Variants in MLIP observed in about 807,000 individuals in gnomAD.
The protein encoded by MLIP is muscular LMNA-interacting protein.
Under a neutral mutation model 84.8 loss-of-function variants are expected in MLIP, and 79 were observed. The observed-to-expected ratio is 0.93, with a 90% CI of 0.78 to 1.12. MLIP has a LOEUF of 1.12. Among genes scored for constraint, MLIP ranks in the 50% most tolerant of loss-of-function variants. The probability of loss-of-function intolerance (pLI) is 0.00; values close to 1 mark genes in which losing one functional copy is unlikely to be tolerated. For synonymous variants in MLIP, 504 were observed against 463.0 expected (o/e 1.09, Z -1.14); for missense variants, 1,257 against 1,160.6 (o/e 1.08, Z -1.21).
intron 12 of MLIP, among the ~76,000 whole-genome samples, chr6:54,254,388 G>A (rs1482058407): frequency 1.3e-5 from 2 of 152,000 alleles, no homozygotes; most frequent in East Asian, 3.9e-4. Context: ...GCCTCCCAAA[G>A]TGCTGGGATT....
rs1396363171 is a variant in MLIP at position 54,137,960 on chromosome 6, C to A, written c.1891C>A (p.Leu631Ile). The A allele has an allele frequency of 6.5e-7, 1 of 1,536,112 alleles. No individual in the cohort carries two copies. Among genetic ancestry groups the A allele is most frequent in the Non-Finnish European group, 8.7e-7 (1 of 1,146,886 alleles). ...INRSKRASSQLSGQELNPSAL... is the reference protein window; with the variant it reads ...INRSKRASSQISGQELNPSAL... ...CAGATCTAAAAGAGCATCATCCCAA[C>A]TATCTGGCCAGGAGCTGAATCCTTC... is the stretch of plus-strand genomic sequence containing the variant. Residue 631 changes from leucine to isoleucine, a missense_variant, in exon 4 of 14, where the codon CTA becomes ATA. Leu to Ile is a conservative substitution (Grantham distance 5). Coordinates refer to ENST00000502396, the MANE Select transcript of MLIP (RefSeq NM_001281747.2).
chr6:54,120,311 T>A (rs1770329879), intron 1 of MLIP, among the ~76,000 whole-genome samples: 1 of 152,104 alleles, frequency 6.6e-6, no homozygotes, highest in Admixed American at 6.5e-5. Flanking sequence ...CTCGGCTCAC[T>A]GCAAGCTCCG....
intron 1 of MLIP, among the ~76,000 whole-genome samples, chr6:54,081,146 T>C (rs1767119210): frequency 6.6e-6 from 1 of 152,158 alleles, no homozygotes; most frequent in Non-Finnish European, 1.5e-5. Flanking sequence ...GATGCCTCAT[T>C]CTGCACCCCT....
At chr6:54,236,244 T>C (rs1311283637) in intron 12 of MLIP, among the ~76,000 whole-genome samples, 2 of 151,648 alleles carry the variant, frequency 1.3e-5, no homozygotes, top group Admixed American at 6.6e-5. Flanking sequence ...GAATCCTCTA[T>C]GTTCCCAGCT....
chr6:54,137,558 A>G lies in MLIP; in HGVS notation c.1489A>G (p.Thr497Ala), dbSNP rs1016173916. 3 of 1,536,126 alleles carry G rather than the reference A, an allele frequency of 2.0e-6. No individual in the cohort carries two copies. In the African/African-American group the frequency reaches 4.1e-5, roughly 21 times the overall value. Reference sequence around the variant, plus strand: ...GCAATCTTTTCACCTGCCTGTTTTCACCAAGTCTACTCCGCTTTCTCAGGC... The same window carrying G: ...GCAATCTTTTCACCTGCCTGTTTTCGCCAAGTCTACTCCGCTTTCTCAGGC... The part of the protein sequence containing the change: ...TQQSFHLPVF[T>A]KSTPLSQAPS... Residue 497 changes from threonine to alanine, a missense_variant, in exon 4 of 14, where the codon ACC becomes GCC. Coordinates refer to ENST00000502396, the MANE Select transcript of MLIP (RefSeq NM_001281747.2).
intron 13 of MLIP, among the ~76,000 whole-genome samples, chr6:54,263,931 T>C (rs1783540276): frequency 6.6e-6 from 1 of 152,134 alleles, no homozygotes; most frequent in African/African-American, 2.4e-5. Context: ...TCTTACATGT[T>C]CACCTTTGTT....
At chr6:54,228,959 T>G in intron 11 of MLIP, among the ~76,000 whole-genome samples, 1 of 152,230 alleles carries the variant, frequency 6.6e-6, no homozygotes, top group East Asian at 1.9e-4. Flanking sequence ...TAAAACAAAA[T>G]TATAAGTCAG....
At chr6:54,205,085 C>T (rs757592311) in intron 11 of MLIP, among the ~76,000 whole-genome samples, 3 of 152,100 alleles carry the variant, frequency 2.0e-5, no homozygotes, top group Non-Finnish European at 4.4e-5. Flanking sequence ...GTCAACTGGC[C>T]TTTTTATGTT....
At chr6:54,070,977 T>C (rs1373085081) in intron 1 of MLIP, among the ~76,000 whole-genome samples, 2 of 152,084 alleles carry the variant, frequency 1.3e-5, no homozygotes, top group East Asian at 1.9e-4. Context: ...CAAAACATAA[T>C]ATATTTCCCA....
chr6:54,253,118 T>G (rs1386002327), intron 12 of MLIP, among the ~76,000 whole-genome samples: 1 of 152,146 alleles, frequency 6.6e-6, no homozygotes, highest in Non-Finnish European at 1.5e-5. Context: ...TTAGTTTTAG[T>G]TATTTATAAT....
At chr6:54,213,075 T>C (rs891057302) in intron 11 of MLIP, among the ~76,000 whole-genome samples, 1 of 152,206 alleles carries the variant, frequency 6.6e-6, no homozygotes, top group Non-Finnish European at 1.5e-5. Context: ...CCATATTTCA[T>C]TCATGTGTTT....
chr6:54,233,358 G>A (rs748150462), intron 12 of MLIP, among the ~76,000 whole-genome samples: 1 of 150,992 alleles, frequency 6.6e-6, no homozygotes, highest in Non-Finnish European at 1.5e-5. Context: ...GCCCCAGTGT[G>A]TGATGTTCCC....
intron 1 of MLIP, among the ~76,000 whole-genome samples, chr6:54,088,652 G>A (rs1561920380): frequency 6.6e-6 from 1 of 152,160 alleles, no homozygotes; most frequent in Non-Finnish European, 1.5e-5. Flanking sequence ...AAGCCACAAT[G>A]CTTGAATAGC....
upstream of MLIP, among the ~76,000 whole-genome samples, chr6:54,107,771 TTA>T (rs1769123194): frequency 6.6e-6 from 1 of 152,176 alleles, no homozygotes; most frequent in African/African-American, 2.4e-5. Context: ...CTTTATTATT[TTA>T]TGTCTTCAGA....
At chr6:54,090,649 G>C (rs910754625) in intron 1 of MLIP, among the ~76,000 whole-genome samples, 10 of 121,946 alleles carry the variant, frequency 8.2e-5, no homozygotes, top group African/African-American at 2.2e-4. Flanking sequence ...TATTGTATCT[G>C]TGTGTGTGTG....
intron 5 of MLIP, among the ~76,000 whole-genome samples, chr6:54,154,455 T>A (rs1449293798): frequency 6.6e-6 from 1 of 152,210 alleles, no homozygotes; most frequent in Non-Finnish European, 1.5e-5. Context: ...TATTGAATAC[T>A]CTAGTGTATC....
intron 12 of MLIP, among the ~76,000 whole-genome samples, chr6:54,238,629 C>T (rs1721972272): frequency 6.6e-6 from 1 of 152,164 alleles, no homozygotes; most frequent in Admixed American, 6.5e-5. Flanking sequence ...ACTAAGCCTT[C>T]ACAGTCAGGA....
At chr6:54,199,209 A>G (rs1174599536) in intron 10 of MLIP, among the ~76,000 whole-genome samples, 2 of 152,236 alleles carry the variant, frequency 1.3e-5, no homozygotes, top group East Asian at 3.9e-4. Context: ...AAAGATTTCA[A>G]ACTTCTATCT....
intron 11 of MLIP, among the ~76,000 whole-genome samples, chr6:54,212,073 T>A (rs1562063762): frequency 6.6e-6 from 1 of 152,186 alleles, no homozygotes; most frequent in Non-Finnish European, 1.5e-5. Flanking sequence ...CTCTGTTTGA[T>A]AAGGAATGTA....
Sources: gnomAD v4.1 joint callset for allele counts (sites outside exome capture counted in the v4.1 genomes callset) on GRCh38, gnomAD v4.1.1 for gene constraint, MANE v1.5 for transcripts, NCBI Gene and HGNC (gene_info 2026-07-23, HGNC 2026-07-21) for gene names.